Variants in DHX35 observed in about 807,000 individuals in gnomAD.
DHX35 encodes the protein DEAH-box helicase 35, also known as probable ATP-dependent RNA helicase DHX35.
Under a neutral mutation model 99.6 loss-of-function variants are expected in DHX35, and 84 were observed. The observed-to-expected ratio is 0.84, with a 90% CI of 0.71 to 1.01. The LOEUF is 1.01. DHX35 is among the 50% of genes least tolerant of loss of function. The pLI is 0.00. For missense variants in DHX35, 852 were observed against 888.5 expected (o/e 0.96, Z 0.52); for synonymous variants, 331 against 316.2 (o/e 1.05, Z -0.50).
chr20:38,994,645 T>TCCCC, intron 7 of DHX35, among the ~76,000 whole-genome samples, 176 bp from the exon 8 acceptor site: 1 of 101,388 alleles, frequency 9.9e-6, no homozygotes, highest in African/African-American at 3.2e-5. Context: ...CCCCCCCCCT[T>TCCCC]TATTGACAAT....
rs1215912441 is a variant in DHX35, at chr20:39,038,563, C to T, written c.*20C>T. Reference sequence around the variant, plus strand: ...CCGTGAGAGGAGCCCACAGCTACAGCTGCAGGGACTGCTGGCGTCCTCTCC... The same window carrying T: ...CCGTGAGAGGAGCCCACAGCTACAGTTGCAGGGACTGCTGGCGTCCTCTCC... On this transcript the variant is annotated 3_prime_UTR_variant, in exon 22 of 22. Transcript: ENST00000252011. 1.2e-6 allele frequency: 2 copies of T among 1,608,678 alleles called. No homozygotes were observed. The highest frequency in any genetic ancestry group is 1.1e-5 in the South Asian group (1 of 90,760).
At chr20:38,999,457 A>G (rs1476560196) in intron 8 of DHX35, among the ~76,000 whole-genome samples, 1 of 152,174 alleles carries the variant, frequency 6.6e-6, no homozygotes, top group Admixed American at 6.5e-5. Context: ...GCTGTCTGAC[A>G]GCTGGCTAGC....
At chr20:39,020,006 C>T (rs1397708837) in intron 15 of DHX35, among the ~76,000 whole-genome samples, 1 of 152,138 alleles carries the variant, frequency 6.6e-6, no homozygotes, top group Admixed American at 6.5e-5. Flanking sequence ...TCTGTGCCTG[C>T]CTTATTTCAC....
At chr20:39,036,725 CCA>C (rs562834018) in intron 21 of DHX35, among the ~76,000 whole-genome samples, 12,914 of 116,048 alleles carry the variant, frequency 0.11, 558 homozygotes, top group East Asian at 0.18. Context: ...GACTGTCCCC[CCA>C]AAAAAAAAAA....
intron 2 of DHX35, among the ~76,000 whole-genome samples, chr20:38,970,622 CT>C (rs772286361): frequency 6.6e-6 from 1 of 152,156 alleles, no homozygotes; most frequent in Non-Finnish European, 1.5e-5. Flanking sequence ...AGCTTCTTTT[CT>C]TTATCTGTGA....
At chr20:39,029,477 A>G (rs1043894832) in intron 19 of DHX35, 2 of 150,648 alleles carry the variant, frequency 1.3e-5, no homozygotes, top group Admixed American at 1.3e-4. Flanking sequence ...AGCACTTTAC[A>G]ATGATCTCTA....
At chr20:39,015,075 T>A in intron 14 of DHX35, 141 bp downstream of exon 14, 1 of 965,736 alleles carries the variant, frequency 1.0e-6, no homozygotes. Flanking sequence ...CTAATGATAC[T>A]TTATTGAAAT....
intron 8 of DHX35, among the ~76,000 whole-genome samples, chr20:38,998,921 C>T (rs6124104): frequency 6.6e-6 from 1 of 152,074 alleles, no homozygotes; most frequent in Non-Finnish European, 1.5e-5. Context: ...CTCAGCCTTC[C>T]TAGTAGCTGG....
chr20:38,978,551 C>T (rs976176239), intron 3 of DHX35: 2 of 312,114 alleles, frequency 6.4e-6, no homozygotes, highest in Non-Finnish European at 1.2e-5. Context: ...TAGTTTTTTG[C>T]TATTGAATTG....
Position 39,036,447 on chromosome 20 carries a change from C to T in DHX35, c.2068-2052C>T, listed in dbSNP as rs539298617. ...ACCTTTAGAAATCACCTAGTGCGGC[C>T]GAGCACGGTGGCTCACGCCTGTAAT... On this transcript the variant is annotated intron_variant, in intron 21 of 21. Transcript: ENST00000252011. Among the ~76,000 whole-genome samples the T allele has an allele frequency of 1.2e-4, 19 of 152,058 alleles. No individual in the cohort carries two copies. In the South Asian group the frequency reaches 2.3e-3, roughly 18 times the overall value.
At chr20:39,027,761 A>G (rs1422932397) in intron 18 of DHX35, among the ~76,000 whole-genome samples, 1 of 152,248 alleles carries the variant, frequency 6.6e-6, no homozygotes, top group East Asian at 1.9e-4. Context: ...TCAGTGAATT[A>G]AAGTTAGAAA....
chr20:39,014,403 G>T (rs2086749871), intron 13 of DHX35, among the ~76,000 whole-genome samples: 1 of 152,120 alleles, frequency 6.6e-6, no homozygotes, highest in African/African-American at 2.4e-5. Flanking sequence ...TCCAGACAGG[G>T]ATTAAGAAAA....
intron 3 of DHX35, among the ~76,000 whole-genome samples, chr20:38,973,613 G>A (rs187500159): frequency 6.6e-6 from 1 of 152,354 alleles, no homozygotes; most frequent in Non-Finnish European, 1.5e-5. Context: ...AACGTTATGT[G>A]TGAGTCTTCC....
chr20:38,995,158 G>C (rs570417900), intron 8 of DHX35, among the ~76,000 whole-genome samples: 1 of 152,178 alleles, frequency 6.6e-6, no homozygotes, highest in African/African-American at 2.4e-5. Flanking sequence ...TGTTTTTTCA[G>C]TATAAGCCTG....
chr20:39,025,144 G>C, intron 17 of DHX35, 86 bp from the exon 18 acceptor site: 1 of 1,450,218 alleles, frequency 6.9e-7, no homozygotes, highest in Non-Finnish European at 9.3e-7. Context: ...AGCACATGGG[G>C]GAAGAGAGAA....
intron 2 of DHX35, among the ~76,000 whole-genome samples, chr20:38,969,921 G>T (rs1293619970): frequency 6.6e-6 from 1 of 152,194 alleles, no homozygotes; most frequent in African/African-American, 2.4e-5. Context: ...GCCAAGACAG[G>T]TTACAGAAAT....
At chr20:39,007,336 A>G (rs8114962) in intron 12 of DHX35, among the ~76,000 whole-genome samples, 51,415 of 152,110 alleles carry the variant, frequency 0.34, 8,807 homozygotes, top group Middle Eastern at 0.52. Flanking sequence ...GGCCACAGTG[A>G]CTGACAGTCT....
At position 39,025,207 on chromosome 20, in the gene DHX35, C is replaced by T. The variant is rs763461884; in HGVS notation, c.1672-23C>T. 11 of 1,593,996 alleles carry T rather than the reference C, an allele frequency of 6.9e-6. No homozygotes were observed. The South Asian group carries it at 8.0e-5, about 12-fold the overall frequency. ...CGAGAACATATCTGTTTTCTAACTCCCTCTCTCTGGGTTGTTCTGTAGCAC... is the reference window on the plus strand; with the variant it reads ...CGAGAACATATCTGTTTTCTAACTCTCTCTCTCTGGGTTGTTCTGTAGCAC... On this transcript the variant is annotated intron_variant, in intron 17 of 21. Transcript: ENST00000252011.
chr20:38,969,135 A>G lies in DHX35; in HGVS notation c.95A>G (p.Asn32Ser), dbSNP rs1183232089. The change falls in exon 2 of 22, where the codon AAC (asparagine) becomes AGC (serine). Residue 32 changes from asparagine to serine, a missense_variant. By Grantham distance (46) the Asn-to-Ser change is conservative. Transcript: ENST00000252011. Reference protein sequence around the residue: ...ISEERQSLAENSGTTVVYNPY... With the variant: ...ISEERQSLAESSGTTVVYNPY... ...GAAGAGAGACAAAGTCTGGCTGAAA[A>G]CTCTGGGACAACGGTTGTTTACAAC... 1.2e-6 allele frequency: 2 copies of G among 1,613,532 alleles called. No homozygotes were observed. Among genetic ancestry groups the G allele is most frequent in the Non-Finnish European group, 1.7e-6 (2 of 1,179,686 alleles).
Sources: allele counts gnomAD v4.1 joint callset (sites outside exome capture counted in the v4.1 genomes callset), GRCh38; gene constraint gnomAD v4.1.1; transcripts MANE v1.5; gene names NCBI Gene and HGNC (gene_info 2026-07-23, HGNC 2026-07-21).